The following FMN1 variants were observed in gnomAD, a reference collection of about 807,000 sequenced individuals.
FMN1 encodes formin 1, also known as formin-1.
FMN1 carries 110 observed loss-of-function variants against 132.4 expected under a neutral mutation model. That is an observed-to-expected ratio of 0.83 (90% CI 0.71 to 0.97). The LOEUF is 0.97. Ranked by LOEUF, FMN1 falls within the 50% of genes least tolerant of loss-of-function variation. The pLI is 0.00. For missense variants in FMN1, 1,792 were observed against 1,705.3 expected (o/e 1.05, Z -0.90); for synonymous variants, 722 against 651.7 (o/e 1.11, Z -1.64).
rs960227433 is a variant in FMN1, at chr15:32,888,284, T to G, written c.3723A>C (p.Gly1241=). 6.2e-7 allele frequency: 1 copy of G among 1,610,514 alleles called. No individual in the cohort carries two copies. Among genetic ancestry groups the G allele is most frequent in the Non-Finnish European group, 8.5e-7 (1 of 1,178,856 alleles). Residue 1241 remains glycine, a synonymous_variant, in exon 16 of 21, where the codon GGA becomes GGC. Coordinates refer to ENST00000616417, the MANE Select transcript of FMN1 (RefSeq NM_001277313.2). ...GCAAGGGGAAAACACTCTTTTCTGTTCCAGCTTCCTAAGAGATATGGTAAA... is the reference window on the plus strand; with the variant it reads ...GCAAGGGGAAAACACTCTTTTCTGTGCCAGCTTCCTAAGAGATATGGTAAA... ...YYLRYYDQEA[G]TEKSVFPLPE...
chr15:33,088,090 T>G (rs2038769000), intron 5 of FMN1, among the ~76,000 whole-genome samples: 1 of 152,072 alleles, frequency 6.6e-6, no homozygotes, highest in Admixed American at 6.5e-5. Context: ...GGATAAAGAC[T>G]ACACACTGGG....
At chr15:33,051,278 T>C (rs1302852208) in intron 6 of FMN1, among the ~76,000 whole-genome samples, 2 of 152,092 alleles carry the variant, frequency 1.3e-5, no homozygotes, top group African/African-American at 4.8e-5. Flanking sequence ...TAAAACAGTC[T>C]GGGAAAGGTT....
chr15:33,040,061 A>G (rs1043293948), intron 6 of FMN1, among the ~76,000 whole-genome samples: 2 of 152,214 alleles, frequency 1.3e-5, no homozygotes, highest in South Asian at 2.1e-4. Context: ...CCCATGGAAG[A>G]CGTGGCACCA....
At chr15:33,036,594 T>C (rs34891154) in intron 6 of FMN1, among the ~76,000 whole-genome samples, 28,021 of 152,058 alleles carry the variant, frequency 0.18, 2,722 homozygotes, top group African/African-American at 0.24. Context: ...AGGGTTCAAA[T>C]AGTATTGACT....
At chr15:32,956,493 T>C (rs368468910) in intron 9 of FMN1, among the ~76,000 whole-genome samples, 206 of 152,254 alleles carry the variant, frequency 1.4e-3, no homozygotes, top group African/African-American at 4.4e-3. Context: ...TTCCTTTCAG[T>C]AAATGCGGCC....
intron 6 of FMN1, among the ~76,000 whole-genome samples, chr15:33,045,868 A>G (rs1279205323): frequency 6.6e-6 from 1 of 152,240 alleles, no homozygotes; most frequent in Admixed American, 6.5e-5. Flanking sequence ...CTGAAAACAA[A>G]GCCAATATTT....
chr15:32,993,718 C>T (rs2033584351), intron 7 of FMN1, among the ~76,000 whole-genome samples: 1 of 152,108 alleles, frequency 6.6e-6, no homozygotes, highest in Admixed American at 6.6e-5. Flanking sequence ...TTCATGGTTC[C>T]AGTTTCAGCA....
intron 3 of FMN1, among the ~76,000 whole-genome samples, chr15:33,179,161 A>G (rs1028438428): frequency 2.8e-4 from 42 of 152,216 alleles, no homozygotes; most frequent in African/African-American, 1.0e-3. Flanking sequence ...TATCAAGGAG[A>G]GAAAAATATG....
At chr15:33,093,276 T>C (rs1033523359) in intron 4 of FMN1, among the ~76,000 whole-genome samples, 5 of 138,588 alleles carry the variant, frequency 3.6e-5, no homozygotes, top group Non-Finnish European at 8.0e-5. Flanking sequence ...CTACATAAAA[T>C]AAACCCTAAG....
In FMN1 at chr15:32,850,823, A is replaced by T. The variant is rs145058194; in HGVS notation, c.3928+6192T>A. ...TTACTAGAAAATAGTTCTTTTTTTT[A>T]ACTTTTATTTTAGGTTTGGGGGTAC... On this transcript the variant is annotated intron_variant, in intron 17 of 20. Coordinates refer to ENST00000616417, the MANE Select transcript of FMN1 (RefSeq NM_001277313.2). Among the ~76,000 whole-genome samples the T allele has an allele frequency of 7.5e-4, 114 of 152,170 alleles. 2 individuals are homozygous for T. Among genetic ancestry groups the T allele is most frequent in the African/African-American group, 2.6e-3 (110 of 41,520 alleles).
intron 16 of FMN1, among the ~76,000 whole-genome samples, chr15:32,880,911 T>C (rs1167319073): frequency 6.6e-6 from 1 of 152,204 alleles, no homozygotes; most frequent in African/African-American, 2.4e-5. Context: ...TCTGTTTTAC[T>C]TCCCCCATAT....
At chr15:32,780,604 C>G (rs1439653636) in intron 19 of FMN1, among the ~76,000 whole-genome samples, 1 of 152,130 alleles carries the variant, frequency 6.6e-6, no homozygotes, top group Non-Finnish European at 1.5e-5. Context: ...ACTTGCTTTC[C>G]CTGTACTCTA....
chr15:33,133,968 T>C (rs965248221), intron 4 of FMN1, among the ~76,000 whole-genome samples: 2 of 152,180 alleles, frequency 1.3e-5, no homozygotes, highest in African/African-American at 4.8e-5. Flanking sequence ...TTTTTATTTA[T>C]TTATTTTGAG....
At chr15:32,988,059 T>TTTTG (rs1351839062) in intron 7 of FMN1, among the ~76,000 whole-genome samples, 2 of 150,188 alleles carry the variant, frequency 1.3e-5, no homozygotes, top group African/African-American at 2.5e-5. Context: ...GTTTTTTTTT[T>TTTTG]TTTTTTTTTT....
chr15:33,180,299 G>A (rs1221471711), intron 2 of FMN1, 37 bp from the exon 3 acceptor site: 2 of 151,860 alleles, frequency 1.3e-5, no homozygotes, highest in Non-Finnish European at 1.5e-5. Flanking sequence ...AGGCTCACCT[G>A]AAGTAATTTG....
chr15:33,086,436 T>C (rs2038698809), intron 5 of FMN1, among the ~76,000 whole-genome samples: 1 of 152,092 alleles, frequency 6.6e-6, no homozygotes, highest in Non-Finnish European at 1.5e-5. Flanking sequence ...TCACTGTAAC[T>C]ATGTATTTCA....
At chr15:33,143,117 T>C (rs1464742461) in intron 4 of FMN1, among the ~76,000 whole-genome samples, 1 of 152,202 alleles carries the variant, frequency 6.6e-6, no homozygotes, top group Non-Finnish European at 1.5e-5. Flanking sequence ...GTTTCTTTGT[T>C]CCCCAAAGGT....
intron 19 of FMN1, among the ~76,000 whole-genome samples, chr15:32,791,494 A>G (rs2057076799): frequency 6.6e-6 from 1 of 152,172 alleles, no homozygotes; most frequent in African/African-American, 2.4e-5. Flanking sequence ...GTTTAAAGAG[A>G]TAACTATGAT....
intron 17 of FMN1, among the ~76,000 whole-genome samples, chr15:32,843,902 C>T (rs1177319336): frequency 4.6e-5 from 7 of 152,082 alleles, no homozygotes; most frequent in African/African-American, 9.7e-5. Flanking sequence ...ATTTCCTTAA[C>T]GAGAAGACCA....
Sources: allele counts gnomAD v4.1 joint callset (sites outside exome capture counted in the v4.1 genomes callset), GRCh38; gene constraint gnomAD v4.1.1; transcripts MANE v1.5; gene names NCBI Gene and HGNC (gene_info 2026-07-23, HGNC 2026-07-21).